Variants in ZNF717 observed in about 807,000 individuals in gnomAD.
ZNF717 encodes krueppel-like factor X17.
ZNF717 carries 9 observed loss-of-function variants against 13.8 expected under a neutral mutation model. The ratio of observed to expected loss-of-function variants is 0.65; its 90% CI spans 0.39 to 1.14. The LOEUF is 1.14. ZNF717 is among the 50% of genes most tolerant of loss of function. ZNF717 has a pLI of 0.01. For synonymous variants in ZNF717, 327 were observed against 364.1 expected, an observed-to-expected ratio of 0.90 and a Z score of 1.16; for missense variants, 1,040 against 1,080.7, an observed-to-expected ratio of 0.96 and a Z score of 0.53.
chr3:75,740,438 T>G (rs1465344340), intron 4 of ZNF717, among the ~76,000 whole-genome samples: 2 of 152,036 alleles, frequency 1.3e-5, no homozygotes, highest in Non-Finnish European at 2.9e-5. Flanking sequence ...CTTACTCTGT[T>G]ACTGAGGCTG....
chr3:75,726,546 C>T (rs1938283872), downstream of ZNF717, among the ~76,000 whole-genome samples: 3 of 152,244 alleles, frequency 2.0e-5, no homozygotes, highest in Admixed American at 2.0e-4. Flanking sequence ...TTAGCACTTC[C>T]ATGTGAACCA....
intron 2 of ZNF717, among the ~76,000 whole-genome samples, chr3:75,778,817 A>G (rs550065103): frequency 7.2e-6 from 1 of 139,410 alleles, no homozygotes; most frequent in East Asian, 2.1e-4. Context: ...TAAAACCGGA[A>G]CCCAAAATAA....
chr3:75,743,070 C>G (rs1204360776), intron 2 of ZNF717, among the ~76,000 whole-genome samples: 1 of 152,050 alleles, frequency 6.6e-6, no homozygotes, highest in Non-Finnish European at 1.5e-5. Context: ...TACCTATATA[C>G]CAAAAACATA....
chr3:75,740,631 A>T (rs1392887983), intron 4 of ZNF717, among the ~76,000 whole-genome samples: 2 of 148,476 alleles, frequency 1.3e-5, no homozygotes, highest in Non-Finnish European at 3.0e-5. Flanking sequence ...CAGAAGTTCG[A>T]GACCAGCCTG....
chr3:75,765,393 G>A (rs75776405), intron 2 of ZNF717, among the ~76,000 whole-genome samples: 40 of 152,218 alleles, frequency 2.6e-4, no homozygotes, highest in African/African-American at 5.5e-4. Context: ...ACCAAAATTC[G>A]AAATAATAAA....
chr3:75,764,321 G>A (rs150744109), intron 2 of ZNF717, among the ~76,000 whole-genome samples: 274 of 150,188 alleles, frequency 1.8e-3, no homozygotes, highest in African/African-American at 6.0e-3. Context: ...TTTCCCAGCA[G>A]TTCCCAGGCC....
intron 4 of ZNF717, among the ~76,000 whole-genome samples, chr3:75,740,787 T>A (rs1390192622): frequency 2.0e-5 from 3 of 152,142 alleles, no homozygotes; most frequent in Non-Finnish European, 2.9e-5. Context: ...ACTATAATCA[T>A]GCCACTGCAC....
At chr3:75,764,965 C>CTAAT (rs1943320852) in intron 2 of ZNF717, among the ~76,000 whole-genome samples, 1 of 108,144 alleles carries the variant, frequency 9.2e-6, no homozygotes, top group Non-Finnish European at 2.0e-5. Flanking sequence ...AAACGTCCAT[C>CTAAT]CAGGAATGGA....
chr3:75,783,975 T>C (rs1355917187), intron 1 of ZNF717, among the ~76,000 whole-genome samples: 2 of 152,196 alleles, frequency 1.3e-5, no homozygotes, highest in African/African-American at 2.4e-5. Context: ...TGACAATAAA[T>C]TGGGCTTTTC....
At chr3:75,723,433 G>C (rs1938209241) in intron 4 of ZNF717, among the ~76,000 whole-genome samples, 3 of 152,036 alleles carry the variant, frequency 2.0e-5, no homozygotes, top group African/African-American at 4.8e-5. Context: ...CTGAGGGCAA[G>C]AGCTGTTCCA....
At chr3:75,743,875 A>T (rs74416113) in intron 2 of ZNF717, among the ~76,000 whole-genome samples, 1 of 151,840 alleles carries the variant, frequency 6.6e-6, no homozygotes, top group Non-Finnish European at 1.5e-5. Flanking sequence ...ACTTGGACAT[A>T]TCATGTGTGA....
Position 75,738,511 on chromosome 3 carries a change from T to A in ZNF717, c.1112A>T (p.Glu371Val). The change falls in exon 5 of 5, where the codon GAA (glutamate) becomes GTA (valine). Residue 371 changes from glutamate (E) to valine (V), a missense_variant. Glu to Val is a moderately radical substitution (Grantham distance 121). Transcript: ENST00000652011. The stretch of plus-strand genomic sequence containing the variant: ...CTTACAGTGAAAAGTTTTTCCACAT[T>A]CAATACATTTGTAGGGTTTATCCCC... Reference protein sequence around the residue: ...HTGDKPYKCIECGKTFHCKSL... With the variant: ...HTGDKPYKCIVCGKTFHCKSL... 2.6e-6 allele frequency: 4 copies of A among 1,541,588 alleles called. No homozygotes were observed. The South Asian group carries it at 4.8e-5, about 18-fold the overall frequency.
At chr3:75,774,418 T>C (rs1421319727) in intron 2 of ZNF717, among the ~76,000 whole-genome samples, 1 of 152,078 alleles carries the variant, frequency 6.6e-6, no homozygotes, top group Non-Finnish European at 1.5e-5. Flanking sequence ...CTGTCTTCTC[T>C]GACCTCTAAC....
In ZNF717 at chr3:75,738,083, T is replaced by G; in HGVS notation, c.1540A>C (p.Lys514Gln). 1 of 1,348,550 alleles carries G rather than the reference T, an allele frequency of 7.4e-7. No individual in the cohort carries two copies. Among genetic ancestry groups the G allele is most frequent in the Non-Finnish European group, 9.9e-7 (1 of 1,009,726 alleles). 83.5% of individuals were successfully genotyped at this position (1,348,550 alleles called of 1,614,324 possible). Residue 514 changes from lysine (K) to glutamine (Q), a missense_variant, in exon 5 of 5, where the codon AAA becomes CAA. Around this residue, in one of 3 missense-constraint regions of ZNF717, gnomAD observed 873 missense variants for 832.8 expected, o/e 1.05. Transcript: ENST00000652011. The part of the protein sequence containing the change: ...EKPYECNECG[K>Q]TFRCKSFLTV... Reference sequence around the variant, plus strand: ...AGGAATGACTTACAGCGAAAGGTTTTCCCACATTCATTGCATTCGTAGGGT... The same window carrying G: ...AGGAATGACTTACAGCGAAAGGTTTGCCCACATTCATTGCATTCGTAGGGT...
intron 4 of ZNF717, among the ~76,000 whole-genome samples, chr3:75,722,803 CAAAA>C (rs146853808): frequency 0.39 from 38,963 of 99,102 alleles, 6,770 homozygotes; most frequent in East Asian, 0.62. Context: ...AACTCCATCT[CAAAA>C]AAAAAAAAAA....
At position 75,768,737 on chromosome 3, in the gene ZNF717, G is replaced by A. The variant is rs1437156265; in HGVS notation, c.57+14569C>T. ...TGAGTGTGTGGGGGGTAGATGACAGGCCACCACAACCTGATTCAGTCCTCA... is the reference window on the plus strand; with the variant it reads ...TGAGTGTGTGGGGGGTAGATGACAGACCACCACAACCTGATTCAGTCCTCA... On this transcript the variant is annotated intron_variant, in intron 2 of 4. Transcript: ENST00000652011. 6.2e-5 allele frequency among the ~76,000 whole-genome samples: 9 copies of A among 146,170 alleles called. 1 individual carries two copies. The highest frequency in any genetic ancestry group is 2.0e-4 in the African/African-American group (8 of 39,190).
downstream of ZNF717, among the ~76,000 whole-genome samples, chr3:75,735,649 AAAAAAAAAGCAAC>A (rs1939092445): frequency 4.6e-5 from 2 of 43,836 alleles, no homozygotes; most frequent in African/African-American, 1.1e-4. Context: ...AAAAAAAAAA[AAAAAAAAAGCAAC>A]GAGAGGAAAC....
intron 2 of ZNF717, among the ~76,000 whole-genome samples, chr3:75,748,665 T>C (rs1575815381): frequency 6.6e-6 from 1 of 152,136 alleles, no homozygotes; most frequent in East Asian, 1.9e-4. Flanking sequence ...AAACTCTCAA[T>C]GAATTAGGTA....
At chr3:75,773,217 T>C (rs112333992) in intron 2 of ZNF717, among the ~76,000 whole-genome samples, 205 of 150,348 alleles carry the variant, frequency 1.4e-3, no homozygotes, top group African/African-American at 4.9e-3. Flanking sequence ...AATCATTGGC[T>C]AAGTTAATCA....
Sources: allele counts gnomAD v4.1 joint callset (sites outside exome capture counted in the v4.1 genomes callset), GRCh38; gene constraint gnomAD v4.1.1; regional missense constraint gnomAD v4.1.1; transcripts MANE v1.5; gene names NCBI Gene and HGNC (gene_info 2026-07-23, HGNC 2026-07-21).